The following FN1 variants were observed in gnomAD, a reference collection of about 807,000 sequenced individuals.
FN1 encodes the protein fibronectin.
A neutral mutation model predicts 297.3 loss-of-function variants in FN1; 106 were observed. The ratio of observed to expected loss-of-function variants is 0.36; its 90% CI spans 0.30 to 0.42. FN1 has a LOEUF of 0.42. Ranked by LOEUF, FN1 falls within the 10% of genes least tolerant of loss-of-function variation. FN1 has a pLI of 1.00. For missense variants in FN1, 2,690 were observed against 3,124.9 expected, an observed-to-expected ratio of 0.86 and a Z score of 3.32; for synonymous variants, 1,149 against 1,152.6, an observed-to-expected ratio of 1.00 and a Z score of 0.06.
At position 215,394,610 on chromosome 2, in the gene FN1, A is replaced by G. The variant is rs1439043482; in HGVS notation, c.3714T>C (p.Ser1238=). The change falls in exon 24 of 46, where the codon AGT becomes AGC. Residue 1238 remains serine, a synonymous_variant. Transcript: ENST00000354785. ...CACTGACATTGTACTCCAGGCCGGG[A>G]CTCAGGTTATCAAAAGTGCAGGAGC... The part of the protein sequence containing the change: ...DQSSCTFDNL[S]PGLEYNVSVY... 6.2e-7 allele frequency: 1 copy of G among 1,613,892 alleles called. No individual in the cohort carries two copies. The highest frequency in any genetic ancestry group is 1.3e-5 in the African/African-American group (1 of 74,854).
At chr2:215,400,557 A>G (rs2060871641) in intron 20 of FN1, among the ~76,000 whole-genome samples, 1 of 151,666 alleles carries the variant, frequency 6.6e-6, no homozygotes, top group Non-Finnish European at 1.5e-5. Context: ...TTCAAGACCA[A>G]CCTGGCCAAC....
At chr2:215,362,414 T>G (rs1395222711) in intron 44 of FN1, 2 of 319,094 alleles carry the variant, frequency 6.3e-6, no homozygotes, top group African/African-American at 4.3e-5. Context: ...AGAAAAGGTT[T>G]TCAAAGAATC....
At position 215,383,308 on chromosome 2, in the gene FN1, G is replaced by T; in HGVS notation, c.5050+20C>A. On this transcript the variant is annotated intron_variant, in intron 31 of 45. Transcript: ENST00000354785. ...TAGGAGTGAGCCACCGCACCTGGCC[G>T]AGATGCAGATGATTCTTACCTGGAC... 3.7e-6 allele frequency: 6 copies of T among 1,613,464 alleles called. No individual in the cohort carries two copies. The highest frequency in any genetic ancestry group is 1.1e-5 in the South Asian group (1 of 91,068).
intron 39 of FN1, among the ~76,000 whole-genome samples, chr2:215,372,898 G>A (rs1357869957): frequency 1.3e-5 from 2 of 152,162 alleles, no homozygotes; most frequent in East Asian, 3.8e-4. Context: ...GAAATTAACT[G>A]AAACTGGATG....
intron 32 of FN1, chr2:215,381,492 G>C (rs148335643): frequency 1.5e-4 from 45 of 303,514 alleles, no homozygotes; most frequent in African/African-American, 9.3e-4. Context: ...GTTTTTTTTT[G>C]AGATGGAGTC....
intron 40 of FN1, among the ~76,000 whole-genome samples, chr2:215,370,752 T>C (rs1416838319): frequency 6.6e-6 from 1 of 152,042 alleles, no homozygotes; most frequent in Non-Finnish European, 1.5e-5. Flanking sequence ...GCATAAGCCC[T>C]CTGGAAGCCC....
At position 215,406,912 on chromosome 2, in the gene FN1, G is replaced by T. The variant is rs569626885; in HGVS notation, c.2713+215C>A. On this transcript the variant is annotated intron_variant, in intron 18 of 45. Transcript: ENST00000354785. ...CCCTTAAGCTTCTAGGGGAAAATTT[G>T]TAGATGGACGTTATGGTGTCAGTTT... 2.0e-5 allele frequency among the ~76,000 whole-genome samples: 3 copies of T among 152,296 alleles called. No homozygotes were observed. In the East Asian group the frequency reaches 5.8e-4, roughly 29 times the overall value.
rs1379877741 is a variant in FN1 at position 215,397,686 on chromosome 2, C to A, written c.3511G>T (p.Val1171Leu). Reference protein sequence around the residue: ...ERDAPIVNKVVTPLSPPTNLH... With the variant: ...ERDAPIVNKVLTPLSPPTNLH... ...GGGAAAAAATTCTTCTTACGTGTCA[C>A]CACTTTGTTTACAATTGGCGCATCT... Residue 1171 changes from valine (V) to leucine (L), a missense_variant, in exon 22 of 46, where the codon GTG becomes TTG. Physicochemically the swap from Val to Leu is conservative, Grantham distance 32. Coordinates refer to ENST00000354785, the MANE Select transcript of FN1 (RefSeq NM_212482.4). 6.2e-7 allele frequency: 1 copy of A among 1,614,024 alleles called. No individual in the cohort carries two copies. Among genetic ancestry groups the A allele is most frequent in the South Asian group, 1.1e-5 (1 of 91,072 alleles).
In FN1 at chr2:215,372,340, T is replaced by C. The variant is rs1464862226; in HGVS notation, c.6283A>G (p.Asn2095Asp). The C allele has an allele frequency of 2.5e-6, 4 of 1,614,084 alleles. No homozygotes were observed. Among genetic ancestry groups the C allele is most frequent in the African/African-American group, 1.3e-5 (1 of 75,010 alleles). ...TCCAAGATCTCTGGTCCATGAAGAT[T>C]GGGGTGTGGAAGGGTTACCAGTTGG... The part of the protein sequence containing the change: ...LPQLVTLPHP[N>D]LHGPEILDVP... The change falls in exon 40 of 46, where the codon AAT (asparagine) becomes GAT (aspartate). Residue 2095 changes from asparagine to aspartate, a missense_variant. Asn to Asp is a conservative substitution (Grantham distance 23). Around this residue, in one of 3 missense-constraint regions of FN1, gnomAD observed 1,743 missense variants for 1,945.2 expected, o/e 0.90. Transcript: ENST00000354785.
chr2:215,401,253 A>AAAAAG (rs2061077200), intron 20 of FN1, among the ~76,000 whole-genome samples: 1 of 24,258 alleles, frequency 4.1e-5, no homozygotes, highest in African/African-American at 1.1e-4. Context: ...AAAGAAAGGA[A>AAAAAG]GAAAGAAAGG....
intron 20 of FN1, among the ~76,000 whole-genome samples, chr2:215,403,417 T>C (rs1169093508): frequency 1.3e-5 from 2 of 152,204 alleles, no homozygotes; most frequent in Non-Finnish European, 2.9e-5. Flanking sequence ...CTTTTTAACA[T>C]CCATACTTTT....
intron 35 of FN1, among the ~76,000 whole-genome samples, chr2:215,377,718 A>G (rs1354233217): frequency 5.8e-5 from 8 of 138,218 alleles, no homozygotes; most frequent in African/African-American, 2.1e-4. Flanking sequence ...AAGATATAGC[A>G]GAAGCCAGTG....
In FN1 at chr2:215,361,619, T is replaced by C. The variant is rs1215154228; in HGVS notation, c.7370A>G (p.Asn2457Ser). The C allele has an allele frequency of 6.2e-7, 1 of 1,610,732 alleles. No individual in the cohort carries two copies. The highest frequency in any genetic ancestry group is 1.1e-5 in the South Asian group (1 of 91,024). The change falls in exon 46 of 46, where the codon AAT (asparagine) becomes AGT (serine). Residue 2457 changes from asparagine to serine, a missense_variant. Transcript: ENST00000354785. ...AGGCATGAAGCACTCAATTGGGCAA[T>C]TAACATTCTGTTAAAAAGGAAGAAG... ...RYHQRTNTNVNCPIECFMPLD... is the reference protein window; with the variant it reads ...RYHQRTNTNVSCPIECFMPLD...
intron 10 of FN1, among the ~76,000 whole-genome samples, chr2:215,421,628 T>C (rs975868403): frequency 4.6e-5 from 7 of 152,232 alleles, no homozygotes; most frequent in Non-Finnish European, 1.0e-4. Context: ...TCATATTATA[T>C]AGCTGGGTGC....
chr2:215,405,330 G>C (rs946691696), intron 19 of FN1, among the ~76,000 whole-genome samples: 3 of 152,192 alleles, frequency 2.0e-5, no homozygotes, highest in African/African-American at 7.2e-5. Context: ...TAATAATTGA[G>C]AGCATGGGCT....
intron 15 of FN1, among the ~76,000 whole-genome samples, chr2:215,409,310 T>C (rs1253480890): frequency 2.6e-5 from 4 of 152,092 alleles, no homozygotes; most frequent in Non-Finnish European, 5.9e-5. Context: ...CTGTAGGAAC[T>C]TGTGCACAGG....
chr2:215,435,609 GTCCCA>G (rs2067339711), intron 1 of FN1, 41 bp downstream of exon 1: 1 of 1,611,390 alleles, frequency 6.2e-7, no homozygotes, highest in Non-Finnish European at 8.5e-7. Context: ...CGGCTTTAGG[GTCCCA>G]TCCCTGAGGC....
At chr2:215,365,451 T>C in intron 43 of FN1, 54 bp downstream of exon 43, 4 of 1,577,718 alleles carry the variant, frequency 2.5e-6, no homozygotes, top group Non-Finnish European at 3.5e-6. Context: ...TACAGCCTGA[T>C]AATGAAAGTG....
At position 215,388,415 on chromosome 2, in the gene FN1, A is replaced by G. The variant is rs984743706; in HGVS notation, c.4253-114T>C. 7 of 771,122 alleles carry G rather than the reference A, an allele frequency of 9.1e-6. No individual in the cohort carries two copies. The African/African-American group carries it at 1.2e-4, about 13-fold the overall frequency. 47.8% of individuals were successfully genotyped at this position (771,122 alleles called of 1,614,324 possible). On this transcript the variant is annotated intron_variant, in intron 26 of 45. Transcript: ENST00000354785. The stretch of plus-strand genomic sequence containing the variant: ...ATCCAAATGTCCAGTCCTATAGCCT[A>G]CTTACACCTAAGTGAACACTACAGC...
Sources: allele counts gnomAD v4.1 joint callset (sites outside exome capture counted in the v4.1 genomes callset), GRCh38; gene constraint gnomAD v4.1.1; regional missense constraint gnomAD v4.1.1; transcripts MANE v1.5; gene names NCBI Gene and HGNC (gene_info 2026-07-23, HGNC 2026-07-21).